The following PCDHGB2 variants were observed in gnomAD, a reference collection of about 807,000 sequenced individuals.
PCDHGB2 encodes the protein protocadherin gamma subfamily B, 2, also known as protocadherin gamma-B2.
Under a neutral mutation model 59.3 loss-of-function variants are expected in PCDHGB2, and 55 were observed. The ratio of observed to expected loss-of-function variants is 0.93; its 90% CI spans 0.75 to 1.16. PCDHGB2 has a LOEUF of 1.16. Among genes scored for constraint, PCDHGB2 ranks in the 50% most tolerant of loss-of-function variants. The pLI is 0.00. For synonymous variants in PCDHGB2, 516 were observed against 512.0 expected (o/e 1.01, Z -0.11); for missense variants, 1,228 against 1,198.5 (o/e 1.02, Z -0.36).
At chr5:141,443,751 A>C (rs1372334547) in intron 1 of PCDHGB2, among the ~76,000 whole-genome samples, 3 of 152,230 alleles carry the variant, frequency 2.0e-5, no homozygotes, top group African/African-American at 7.2e-5. Context: ...GTGAATTGGA[A>C]GCTTACAATA....
At position 141,485,225 on chromosome 5, in the gene PCDHGB2, T is replaced by C; in HGVS notation, c.2422-9582T>C. The C allele has an allele frequency of 1.2e-6, 2 of 1,614,156 alleles. No homozygotes were observed. Among genetic ancestry groups the C allele is most frequent in the Non-Finnish European group, 1.7e-6 (2 of 1,180,010 alleles). On this transcript the variant is annotated intron_variant, in intron 1 of 3. Coordinates refer to ENST00000522605, the MANE Select transcript of PCDHGB2 (RefSeq NM_018923.3). The surrounding 1 kb of genome is among the most constrained non-coding windows in gnomAD (Gnocchi z 5.7). Reference sequence around the variant, plus strand: ...AGAAATCTGGCGGTGGGCTACCCTTTTGTTCCTCTTTTACCACCTGGGTTA... The same window carrying C: ...AGAAATCTGGCGGTGGGCTACCCTTCTGTTCCTCTTTTACCACCTGGGTTA...
At chr5:141,375,177 T>C in intron 1 of PCDHGB2, 1 of 1,614,004 alleles carries the variant, frequency 6.2e-7, no homozygotes, top group Non-Finnish European at 8.5e-7. Flanking sequence ...CCAGGAACAG[T>C]AATCGCCCTT....
chr5:141,488,980 C>A, intron 1 of PCDHGB2: 1 of 392,340 alleles, frequency 2.5e-6, no homozygotes, highest in Non-Finnish European at 4.5e-6. Flanking sequence ...CAATCAGACT[C>A]AGAGCTGAGG....
rs531773756 is a variant in PCDHGB2 at position 141,417,037 on chromosome 5, TTA to T, written c.2421+54482_2421+54483del. On this transcript the variant is annotated intron_variant, in intron 1 of 3. Coordinates refer to ENST00000522605, the MANE Select transcript of PCDHGB2 (RefSeq NM_018923.3). ...ATTTTGAAAAATACAGGTTTTTTTT[TTA>T]AAAAAAACTGCTCTTGACATTGTAG... 5.9e-5 allele frequency: 9 copies of T among 151,574 alleles called. 1 individual carries two copies. Among genetic ancestry groups the T allele is most frequent in the Admixed American group, 2.0e-4 (3 of 15,204 alleles). The allele number at this position is 151,574 out of a possible 1,614,324, so 9.4% of individuals were successfully genotyped here.
At chr5:141,421,504 C>G (rs757410882) in intron 1 of PCDHGB2, 1 of 1,614,062 alleles carries the variant, frequency 6.2e-7, no homozygotes, top group South Asian at 1.1e-5. Flanking sequence ...CAGGATAGAC[C>G]GGGAGGAGCT....
rs532490777 is a variant in PCDHGB2, at chr5:141,487,782, T to C, written c.2422-7025T>C. 7.2e-6 allele frequency: 11 copies of C among 1,525,744 alleles called. No homozygotes were observed. The South Asian group carries it at 1.2e-4, about 17-fold the overall frequency. The allele number at this position is 1,525,744 out of a possible 1,614,324, so 94.5% of individuals were successfully genotyped here. ...GACGCTGTGCTTTGTAACTGTTTCGTGAATTAACCAGAGTTGTCACAGTTT... is the reference window on the plus strand; with the variant it reads ...GACGCTGTGCTTTGTAACTGTTTCGCGAATTAACCAGAGTTGTCACAGTTT... On this transcript the variant is annotated intron_variant, in intron 1 of 3. Coordinates refer to ENST00000522605, the MANE Select transcript of PCDHGB2 (RefSeq NM_018923.3). This position sits in a 1 kb window ranked among gnomAD's most constrained non-coding sequence, Gnocchi z 5.0.
chr5:141,494,537 G>C (rs2099755111), intron 1 of PCDHGB2, among the ~76,000 whole-genome samples: 1 of 152,168 alleles, frequency 6.6e-6, no homozygotes, highest in Non-Finnish European at 1.5e-5. Flanking sequence ...TGGGGGCAGG[G>C]AGGAAGGGGC....
chr5:141,480,241 A>C (rs895691864), intron 1 of PCDHGB2, among the ~76,000 whole-genome samples: 58 of 97,306 alleles, frequency 6.0e-4, no homozygotes, highest in African/African-American at 2.2e-3. Context: ...CTGTCTCTAC[A>C]AAAAAAAAAA....
intron 1 of PCDHGB2, chr5:141,478,008 C>T: frequency 6.2e-7 from 1 of 1,614,124 alleles, no homozygotes; most frequent in Non-Finnish European, 8.5e-7. Flanking sequence ...ATCAGTACTG[C>T]CCGTCCAGTC....
intron 1 of PCDHGB2, chr5:141,365,500 G>A (rs751033345): frequency 6.2e-7 from 1 of 1,613,898 alleles, no homozygotes; most frequent in Non-Finnish European, 8.5e-7. Context: ...CTAGGAATTT[G>A]CCTTTTAAAT....
chr5:141,408,326 G>A, intron 1 of PCDHGB2: 6 of 1,613,904 alleles, frequency 3.7e-6, no homozygotes, highest in Non-Finnish European at 4.2e-6. Context: ...GGAGGAGCTG[G>A]CCAAGGGCTC....
Position 141,430,614 on chromosome 5 carries a change from T to C in PCDHGB2, c.2422-64193T>C, listed in dbSNP as rs1030314096. 7.3e-6 allele frequency: 5 copies of C among 680,636 alleles called. No individual in the cohort carries two copies. In the African/African-American group the frequency reaches 7.4e-5, roughly 10 times the overall value. 42.2% of individuals were successfully genotyped at this position (680,636 alleles called of 1,614,324 possible). ...GCACGCGCCTGAAGCACAAAGCAGA[T>C]AGCTAGGAATGAACCATCCCTGGGA... On this transcript the variant is annotated intron_variant, in intron 1 of 3. Transcript: ENST00000522605.
Position 141,431,994 on chromosome 5 carries a change from G to A in PCDHGB2, c.2422-62813G>A, listed in dbSNP as rs2097434865. ...TTAGTCACAGACATAGTCTTGGATA[G>A]GGAACAGGTTCCTAGCTACAACATC... On this transcript the variant is annotated intron_variant, in intron 1 of 3. Coordinates refer to ENST00000522605, the MANE Select transcript of PCDHGB2 (RefSeq NM_018923.3). The surrounding 1 kb of genome is among the most constrained non-coding windows in gnomAD (Gnocchi z 4.8). 6.2e-7 allele frequency: 1 copy of A among 1,614,188 alleles called. No homozygotes were observed. Among genetic ancestry groups the A allele is most frequent in the Non-Finnish European group, 8.5e-7 (1 of 1,180,038 alleles).
At chr5:141,488,273 C>A (rs1411817846) in intron 1 of PCDHGB2, among the ~76,000 whole-genome samples, 6 of 152,256 alleles carry the variant, frequency 3.9e-5, no homozygotes, top group East Asian at 1.9e-4. Flanking sequence ...TTGGTCATCA[C>A]CTTTGGAAAA....
chr5:141,394,625 G>A, intron 1 of PCDHGB2: 1 of 1,613,496 alleles, frequency 6.2e-7, no homozygotes, highest in African/African-American at 1.3e-5. Flanking sequence ...ACGCCTGGCT[G>A]TCCTACCGCC....
In PCDHGB2 at chr5:141,489,950, A is replaced by C. The variant is rs1055715796; in HGVS notation, c.2422-4857A>C. 1 of 1,614,192 alleles carries C rather than the reference A, an allele frequency of 6.2e-7. No homozygotes were observed. The highest frequency in any genetic ancestry group is 1.3e-5 in the African/African-American group (1 of 75,060). ...TCTGTCATCGTGCTGGACATCAATG[A>C]TAATGCTCCAACCTTCCAATCCTCA... is the stretch of plus-strand genomic sequence containing the variant. On this transcript the variant is annotated intron_variant, in intron 1 of 3. Coordinates refer to ENST00000522605, the MANE Select transcript of PCDHGB2 (RefSeq NM_018923.3). The surrounding 1 kb of genome is among the most constrained non-coding windows in gnomAD (Gnocchi z 4.5).
intron 1 of PCDHGB2, chr5:141,423,750 TGGG>T: frequency 4.5e-5 from 13 of 287,436 alleles, no homozygotes; most frequent in South Asian, 1.7e-4. Flanking sequence ...GAAAACTGTT[TGGG>T]GGGGGGGTGG....
intron 1 of PCDHGB2, chr5:141,375,182 G>C: frequency 6.2e-7 from 1 of 1,613,936 alleles, no homozygotes; most frequent in Non-Finnish European, 8.5e-7. Context: ...AACAGTAATC[G>C]CCCTTTTTCA....
chr5:141,488,441 C>T (rs1320712074), intron 1 of PCDHGB2, among the ~76,000 whole-genome samples: 1 of 152,206 alleles, frequency 6.6e-6, no homozygotes, highest in Non-Finnish European at 1.5e-5. Flanking sequence ...TGACCACCCT[C>T]CTGGGTGACC....
Sources: gnomAD v4.1 joint callset for allele counts (sites outside exome capture counted in the v4.1 genomes callset) on GRCh38, gnomAD v4.1.1 for gene constraint, Gnocchi (gnomAD v3.1) non-coding constraint, MANE v1.5 for transcripts, NCBI Gene and HGNC (gene_info 2026-07-23, HGNC 2026-07-21) for gene names.